The following COPG2 variants were observed in gnomAD, a reference collection of about 807,000 sequenced individuals.
COPG2 encodes coat protein complex I subunit gamma 2, also known as coatomer subunit gamma-2.
Under a neutral mutation model 46.3 loss-of-function variants are expected in COPG2, and 37 were observed. The ratio of observed to expected loss-of-function variants is 0.80; its 90% confidence interval spans 0.61 to 1.05. The LOEUF is 1.05. Among genes scored for constraint, COPG2 ranks in the 50% least tolerant of loss-of-function variants. The pLI, the probability that COPG2 is intolerant of heterozygous loss-of-function variation, is 0.00. For missense variants in COPG2, 427 were observed against 387.8 expected (o/e 1.10, Z -0.85); for synonymous variants, 159 against 129.7 (o/e 1.23, Z -1.53).
Position 130,507,774 on chromosome 7 carries a change from T to C in COPG2, c.2297A>G (p.Lys766Arg). The C allele has an allele frequency of 1.3e-6, 1 of 780,648 alleles. No individual in the cohort carries two copies. Among genetic ancestry groups the C allele is most frequent in the Non-Finnish European group, 2.4e-6 (1 of 417,868 alleles). 48.4% of individuals were successfully genotyped at this position (780,648 alleles called of 1,614,324 possible). A position where few individuals can be genotyped will look rare whatever the true frequency, so the allele number is the denominator to read the frequency against. Reference protein sequence around the residue: ...TVSDHIQKVLKPNFAAAWEEV... With the variant: ...TVSDHIQKVLRPNFAAAWEEV... ...TTCCCAAGCAGCAGCAAAGTTAGGC[T>C]TCAGTACTTTCTGAATATGGTCAGA... is the stretch of plus-strand genomic sequence containing the variant. The change falls in exon 22 of 24, where the codon AAG (lysine) becomes AGG (arginine). Residue 766 changes from lysine (K) to arginine (R), a missense_variant. Lys to Arg is a conservative substitution (Grantham distance 26, BLOSUM62 2). Transcript: ENST00000425248.
At chr7:130,527,316 C>T (rs1439719851) in intron 20 of COPG2, among the ~76,000 whole-genome samples, 2 of 151,062 alleles carry the variant, frequency 1.3e-5, no homozygotes, top group Non-Finnish European at 2.9e-5. Context: ...GAGTGCCTGG[C>T]ATACATGGGG....
intron 1 of COPG2, among the ~76,000 whole-genome samples, chr7:130,668,012 A>C (rs1418085038): frequency 6.6e-6 from 1 of 152,074 alleles, no homozygotes; most frequent in East Asian, 1.9e-4. Flanking sequence ...GCTACCAAAC[A>C]CTGAGAATTT....
intron 5 of COPG2, among the ~76,000 whole-genome samples, chr7:130,651,535 A>G (rs2116234778): frequency 2.0e-5 from 2 of 101,392 alleles, no homozygotes; most frequent in African/African-American, 3.8e-5. Flanking sequence ...TTTGAGACGG[A>G]GTCTCGCTCT....
chr7:130,613,086 CAG>C lies in COPG2; in HGVS notation c.492+456_492+457del, dbSNP rs1441397561. 8.5e-5 allele frequency among the ~76,000 whole-genome samples: 13 copies of C among 152,118 alleles called. 1 individual carries two copies. The highest frequency in any genetic ancestry group is 1.6e-4 in the Non-Finnish European group (11 of 68,012). On this transcript the variant is annotated intron_variant, in intron 7 of 23. Transcript: ENST00000425248. ...CAGCAATCTCCAACCTTTTTGGCAC[CAG>C]GGATTGGTTTTATGGAAGACAATTT...
At chr7:130,522,593 G>A (rs961092729) in intron 20 of COPG2, among the ~76,000 whole-genome samples, 27 of 152,156 alleles carry the variant, frequency 1.8e-4, no homozygotes, top group African/African-American at 6.3e-4. Context: ...CGAGTGTGGA[G>A]TAGAGAAACG....
intron 20 of COPG2, among the ~76,000 whole-genome samples, chr7:130,536,594 G>T (rs979475807): frequency 6.6e-6 from 1 of 152,224 alleles, no homozygotes; most frequent in Admixed American, 6.5e-5. Flanking sequence ...ACTGGTGGAC[G>T]CGGGAGGATG....
At chr7:130,591,655 C>T (rs1794428107) in intron 9 of COPG2, among the ~76,000 whole-genome samples, 1 of 146,576 alleles carries the variant, frequency 6.8e-6, no homozygotes, top group Non-Finnish European at 1.5e-5. Context: ...TGAGGGGCGC[C>T]TCTGCCCGGC....
At chr7:130,597,285 G>A (rs925911748) in intron 9 of COPG2, among the ~76,000 whole-genome samples, 25 of 152,226 alleles carry the variant, frequency 1.6e-4, no homozygotes, top group African/African-American at 5.5e-4. Flanking sequence ...GGTGGCCAGT[G>A]GGGGTGCTGG....
At chr7:130,546,950 T>C (rs1403319640) in intron 20 of COPG2, 1 of 152,206 alleles carries the variant, frequency 6.6e-6, no homozygotes, top group African/African-American at 2.4e-5. Flanking sequence ...GTTACGAATA[T>C]TGTGCACTGA....
intron 20 of COPG2, among the ~76,000 whole-genome samples, chr7:130,537,260 G>C (rs1799889417): frequency 6.6e-6 from 1 of 151,552 alleles, no homozygotes; most frequent in African/African-American, 2.4e-5. Flanking sequence ...AGGGGAGTCA[G>C]GGTTGTGGGG....
At chr7:130,572,563 A>G (rs1793925281) in intron 9 of COPG2, among the ~76,000 whole-genome samples, 1 of 152,154 alleles carries the variant, frequency 6.6e-6, no homozygotes, top group Admixed American at 6.6e-5. Flanking sequence ...CAGAAAAGAA[A>G]CCAGGGAAAT....
intron 5 of COPG2, among the ~76,000 whole-genome samples, chr7:130,636,538 G>T (rs1251437692): frequency 9.9e-4 from 93 of 94,112 alleles, no homozygotes; most frequent in African/African-American, 3.7e-3. Context: ...ATTGCAACCG[G>T]TTTTTTTTTT....
chr7:130,646,499 C>A (rs560652021), intron 5 of COPG2, among the ~76,000 whole-genome samples: 1 of 152,044 alleles, frequency 6.6e-6, no homozygotes, highest in Non-Finnish European at 1.5e-5. Flanking sequence ...TATTTTCAAA[C>A]GGATGTATTA....
intron 5 of COPG2, among the ~76,000 whole-genome samples, chr7:130,631,172 CTTTTTT>C (rs55966949): frequency 2.0e-5 from 2 of 102,338 alleles, no homozygotes; most frequent in African/African-American, 7.2e-5. Flanking sequence ...TTTTTCTTTT[CTTTTTT>C]TTTTTTTTTT....
chr7:130,532,540 A>G (rs1479084847), intron 20 of COPG2, among the ~76,000 whole-genome samples: 1 of 151,864 alleles, frequency 6.6e-6, no homozygotes, highest in Non-Finnish European at 1.5e-5. Flanking sequence ...TCAGGTTGAG[A>G]CTGGGTGCAT....
At chr7:130,599,561 T>A (rs1307062663) in intron 9 of COPG2, among the ~76,000 whole-genome samples, 1 of 152,034 alleles carries the variant, frequency 6.6e-6, no homozygotes, top group Non-Finnish European at 1.5e-5. Context: ...TGTATGGAAC[T>A]CTCTCTTGAG....
intron 5 of COPG2, among the ~76,000 whole-genome samples, chr7:130,648,801 T>A (rs983650495): frequency 2.0e-5 from 3 of 152,240 alleles, no homozygotes; most frequent in Non-Finnish European, 4.4e-5. Flanking sequence ...TCCTTTTTCA[T>A]AAAGGGTAAC....
chr7:130,661,719 C>T (rs782771094), intron 4 of COPG2, among the ~76,000 whole-genome samples: 5 of 152,052 alleles, frequency 3.3e-5, no homozygotes, highest in South Asian at 4.2e-4. Flanking sequence ...TAGTGGATGC[C>T]ATAGAAGATT....
At chr7:130,549,479 A>T in intron 17 of COPG2, 103 bp from the exon 18 acceptor site, 1 of 397,358 alleles carries the variant, frequency 2.5e-6, no homozygotes, top group Non-Finnish European at 4.4e-6. Flanking sequence ...GCAGATATAT[A>T]ATGAGCTATT....
Sources: allele counts gnomAD v4.1 joint callset (sites outside exome capture counted in the v4.1 genomes callset), GRCh38; gene constraint gnomAD v4.1.1; transcripts MANE v1.5; gene names NCBI Gene and HGNC (gene_info 2026-07-23, HGNC 2026-07-21).